Variants in ZNF48 observed in about 807,000 individuals in gnomAD.
The protein encoded by ZNF48 is zinc finger protein 553.
In ZNF48, 20 loss-of-function variants were observed where a neutral mutation model predicts 40.0. The observed-to-expected ratio is 0.50, with a 90% confidence interval of 0.35 to 0.73. ZNF48 has a LOEUF of 0.73. Among genes scored for constraint, ZNF48 ranks in the 30% least tolerant of loss-of-function variants. ZNF48 has a pLI of 0.01. For synonymous variants in ZNF48, 298 were observed against 329.7 expected (o/e 0.90, Z 1.04); for missense variants, 726 against 851.9 (o/e 0.85, Z 1.84).
At chr16:30,392,131 T>C (rs2049947135), upstream of ZNF48, among the ~76,000 whole-genome samples, 1 of 152,214 alleles carries the variant, frequency 6.6e-6, no homozygotes. Flanking sequence ...CACGCCATTC[T>C]CCTGCTTCAG....
At chr16:30,390,714 G>A (rs1361289891), upstream of ZNF48, among the ~76,000 whole-genome samples, 1 of 143,770 alleles carries the variant, frequency 7.0e-6, no homozygotes. Flanking sequence ...TCCGCCTCCT[G>A]GGTTCATGCC....
chr16:30,389,816 G>GTTGTTTTTTTT, intron 1 of ZNF48, among the ~76,000 whole-genome samples: 1 of 22,480 alleles, frequency 4.4e-5, no homozygotes, highest in Non-Finnish European at 1.1e-4. Context: ...ATTTGGATTA[G>GTTGTTTTTTTT]TTTTTTTTTT....
rs755215083 is a variant in ZNF48 at position 30,395,813 on chromosome 16, C to G, written c.19C>G (p.Pro7Ala). 6 of 1,548,654 alleles carry G rather than the reference C, an allele frequency of 3.9e-6. No individual in the cohort carries two copies. Among genetic ancestry groups the G allele is most frequent in the African/African-American group, 2.7e-5 (2 of 73,278 alleles). The change falls in exon 2 of 3, where the codon CCT (proline) becomes GCT (alanine). Residue 7 changes from proline (P) to alanine (A), a missense_variant. Transcript: ENST00000613509. The surrounding 1 kb of genome is among the most constrained non-coding windows in gnomAD (Gnocchi z 5.9). Reference sequence around the variant, plus strand: ...GCCGGCGATGGAGCGCGCGGTAGAGCCTTGGGGCCCAGATCTCCACCGCCC... The same window carrying G: ...GCCGGCGATGGAGCGCGCGGTAGAGGCTTGGGGCCCAGATCTCCACCGCCC... MERAVE[P>A]WGPDLHRPEE...
chr16:30,384,408 T>C lies in ZNF48; in HGVS notation c.-16+5998T>C, dbSNP rs554855690. ...CTGGGCATGGTGGCATTGCCTGTAG[T>C]CCCAGCTACTCAGGAGGCTAAAGCA... On this transcript the variant is annotated intron_variant, in intron 1 of 2. Transcript: ENST00000528032. Among the ~76,000 whole-genome samples, 7 of 146,862 alleles carry C rather than the reference T, an allele frequency of 4.8e-5. No individual in the cohort carries two copies. In the South Asian group the frequency reaches 1.5e-3, roughly 32 times the overall value.
intron 1 of ZNF48, chr16:30,379,889 G>GTC: frequency 9.3e-7 from 1 of 1,073,190 alleles, no homozygotes; most frequent in Non-Finnish European, 1.4e-6. Context: ...TTACAGACGT[G>GTC]AGCCACCGTG....
rs765793245 is a variant in ZNF48, at chr16:30,381,346, C to A, written c.-16+2936C>A. The stretch of plus-strand genomic sequence containing the variant: ...AGGATCCCCCCACCAGACCCCCGGC[C>A]GAAGGGTGAGATGAAGTAGAGGCAG... On this transcript the variant is annotated intron_variant, in intron 1 of 2. Coordinates refer to the ZNF48 transcript ENST00000528032. The surrounding 1 kb of genome is among the most constrained non-coding windows in gnomAD (Gnocchi z 4.3). 1.2e-6 allele frequency: 2 copies of A among 1,613,164 alleles called. No individual in the cohort carries two copies. Among genetic ancestry groups the A allele is most frequent in the Admixed American group, 1.7e-5 (1 of 59,946 alleles).
Position 30,397,641 on chromosome 16 carries a change from CA to C in ZNF48, c.392del (p.Gln131ArgfsTer78). ...FRQMSDLVKHQRTHTGEKPYK... is the reference protein window; with the variant it reads ...FRQMSDLVKHXRTHTGEKPYK... ...GCAGATGTCAGATCTGGTGAAACAC[CA>C]GCGGACCCACACAGGGGAGAAACCC... On this transcript the variant is annotated frameshift_variant, in exon 3 of 3. Coordinates refer to ENST00000613509, the MANE Select transcript of ZNF48 (RefSeq NM_001214909.2). LOFTEE classifies it high-confidence loss of function. This position sits in a 1 kb window ranked among gnomAD's most constrained non-coding sequence, Gnocchi z 4.1. 6.2e-7 allele frequency: 1 copy of C among 1,613,630 alleles called. No individual in the cohort carries two copies. Among genetic ancestry groups the C allele is most frequent in the Non-Finnish European group, 8.5e-7 (1 of 1,179,748 alleles).
chr16:30,389,816 G>GTTTT (rs56373430), intron 1 of ZNF48, among the ~76,000 whole-genome samples: 752 of 22,490 alleles, frequency 0.033, 317 homozygotes, highest in Non-Finnish European at 0.06. Context: ...ATTTGGATTA[G>GTTTT]TTTTTTTTTT....
upstream of ZNF48, among the ~76,000 whole-genome samples, chr16:30,392,007 T>G (rs1266706926): frequency 6.6e-6 from 1 of 151,848 alleles, no homozygotes; most frequent in Non-Finnish European, 1.5e-5. Flanking sequence ...CCAGCTAACT[T>G]TTTTGTATCT....
chr16:30,387,281 G>A (rs527795367), intron 1 of ZNF48, among the ~76,000 whole-genome samples: 4 of 144,004 alleles, frequency 2.8e-5, no homozygotes, highest in Non-Finnish European at 4.6e-5. Flanking sequence ...TCGGCGGGGC[G>A]CCATGGCTCA....
chr16:30,385,461 C>T (rs957184228), intron 1 of ZNF48, among the ~76,000 whole-genome samples: 4 of 151,726 alleles, frequency 2.6e-5, no homozygotes, highest in Admixed American at 6.6e-5. Context: ...CCCGTCTCTA[C>T]TAAAAATACA....
In ZNF48 at chr16:30,398,476, G is replaced by GC. The variant is rs763340253; in HGVS notation, c.1232dup (p.Leu412AlafsTer11). On this transcript the variant is annotated frameshift_variant, in exon 3 of 3. Transcript: ENST00000613509. LOFTEE classifies it high-confidence loss of function. The surrounding 1 kb of genome is among the most constrained non-coding windows in gnomAD (Gnocchi z 6.6). ...CCACCCCCACCTCCTCTGGGCACCA[G>GC]CCCCCCGCTGACACCTCGAAGTCCC... 1.3e-6 allele frequency: 2 copies of GC among 1,560,418 alleles called. No homozygotes were observed. The highest frequency in any genetic ancestry group is 1.2e-5 in the South Asian group (1 of 86,398).
chr16:30,378,821 T>A (rs2049791433), intron 1 of ZNF48: 1 of 655,512 alleles, frequency 1.5e-6, no homozygotes, highest in Non-Finnish European at 2.1e-6. Flanking sequence ...TCCTTGAGGT[T>A]AGGGCCGGAG....
chr16:30,382,055 CAG>C lies in ZNF48; in HGVS notation c.-16+3646_-16+3647del, dbSNP rs751272629. On this transcript the variant is annotated intron_variant, in intron 1 of 2. Coordinates refer to the ZNF48 transcript ENST00000528032. This position sits in a 1 kb window ranked among gnomAD's most constrained non-coding sequence, Gnocchi z 4.8. ...AAAAGACTAGGGTGTAACCTGGGGA[CAG>C]GGGCTACTGCCTCAAGAGGGTGGGG... 6.3e-7 allele frequency: 1 copy of C among 1,583,218 alleles called. No individual in the cohort carries two copies. The highest frequency in any genetic ancestry group is 1.8e-5 in the Admixed American group (1 of 54,376).
chr16:30,398,997 A>T lies in ZNF48; in HGVS notation c.1747A>T (p.Ser583Cys), dbSNP rs747802294. 9 of 1,613,952 alleles carry T rather than the reference A, an allele frequency of 5.6e-6. No individual in the cohort carries two copies. In the South Asian group the frequency reaches 9.9e-5, roughly 18 times the overall value. ...AGAGTGTGGCAAGGGTTTTGGTGAC[A>T]GTTCTGCCCGCATCAAGCACCAGCG... ...CAECGKGFGD[S>C]SARIKHQRGH... Residue 583 changes from serine (S) to cysteine (C), a missense_variant, in exon 3 of 3, where the codon AGT becomes TGT. Ser to Cys is a moderately radical substitution (Grantham distance 112). This residue lies in a region of ZNF48 where 166 missense variants were observed against 163.6 expected (regional missense o/e 1.01). Transcript: ENST00000613509. This position sits in a 1 kb window ranked among gnomAD's most constrained non-coding sequence, Gnocchi z 6.6.
chr16:30,378,934 G>C (rs1597002410), intron 1 of ZNF48: 1 of 1,386,794 alleles, frequency 7.2e-7, no homozygotes, highest in East Asian at 2.3e-5. Context: ...GCGGAGTCAC[G>C]GGTGGTGGGG....
chr16:30,378,401 CG>C (rs1479541973), exon 1 of ZNF48: 9 of 1,529,660 alleles, frequency 5.9e-6, no homozygotes, highest in Non-Finnish European at 7.0e-6. Context: ...CGACTGAAGG[CG>C]GAGCCGAGGT....
At chr16:30,379,191 G>T (rs113348440) in intron 1 of ZNF48, 4 of 1,613,720 alleles carry the variant, frequency 2.5e-6, no homozygotes, top group Admixed American at 1.7e-5. Context: ...CCACTGGAGG[G>T]GGGGCGGCGC....
intron 2 of ZNF48, among the ~76,000 whole-genome samples, chr16:30,396,485 C>T (rs1157511924): frequency 6.6e-6 from 1 of 152,094 alleles, no homozygotes; most frequent in Non-Finnish European, 1.5e-5. Context: ...TCCTACCACC[C>T]TAAGCTTCTT....
Sources: allele counts gnomAD v4.1 joint callset (sites outside exome capture counted in the v4.1 genomes callset), GRCh38; gene constraint gnomAD v4.1.1; regional missense constraint gnomAD v4.1.1; non-coding constraint Gnocchi (gnomAD v3.1); transcripts MANE v1.5; gene names NCBI Gene and HGNC (gene_info 2026-07-23, HGNC 2026-07-21).